RIMS2: variants seen among roughly 807,000 people sequenced by gnomAD.
RIMS2 encodes regulating synaptic membrane exocytosis 2.
A neutral mutation model predicts 174.4 loss-of-function variants in RIMS2; 59 were observed. The observed-to-expected ratio is 0.34, with a 90% CI of 0.27 to 0.42. The LOEUF (loss-of-function observed/expected upper bound fraction) is 0.42. Ranked by LOEUF, RIMS2 falls within the 10% of genes least tolerant of loss-of-function variation. The pLI is 1.00. For synonymous variants in RIMS2, 606 were observed against 572.5 expected (o/e 1.06, Z -0.84); for missense variants, 1,620 against 1,666.3 (o/e 0.97, Z 0.48).
intron 19 of RIMS2, among the ~76,000 whole-genome samples, chr8:104,144,078 G>C (rs993137605): frequency 6.6e-6 from 1 of 151,840 alleles, no homozygotes; most frequent in Non-Finnish European, 1.5e-5. Flanking sequence ...TGTATTTGGG[G>C]AATACTTGTG....
At chr8:103,728,966 A>ATTTGG (rs1365963387) in intron 2 of RIMS2, among the ~76,000 whole-genome samples, 1 of 151,736 alleles carries the variant, frequency 6.6e-6, no homozygotes, top group Non-Finnish European at 1.5e-5. Flanking sequence ...GTATTGTTGA[A>ATTTGG]TTTGGTTTGC....
chr8:103,767,789 G>T (rs865795697), intron 3 of RIMS2, among the ~76,000 whole-genome samples: 2 of 152,170 alleles, frequency 1.3e-5, no homozygotes, highest in Non-Finnish European at 2.9e-5. Flanking sequence ...GTAGTAAAAG[G>T]GAACAGTACA....
intron 19 of RIMS2, 91 bp from the exon 26 acceptor site, chr8:104,244,825 C>A: frequency 2.0e-6 from 2 of 996,936 alleles, no homozygotes; most frequent in Non-Finnish European, 3.0e-6. Flanking sequence ...TTACACAGTT[C>A]TTTGCATCTG....
exon 24 of RIMS2, chr8:104,251,794 A>T (rs201106079): frequency 3.1e-6 from 5 of 1,609,360 alleles, no homozygotes; most frequent in East Asian, 2.2e-5. Flanking sequence ...GGAAAGTTCA[A>T]CTGGACCTTC....
In RIMS2 at chr8:103,801,780, TC is replaced by T. The variant is rs797007727; in HGVS notation, c.698+35245del. Among the ~76,000 whole-genome samples the T allele has an allele frequency of 8.5e-5, 13 of 152,356 alleles. No homozygotes were observed. In the South Asian group the frequency reaches 2.5e-3, roughly 29 times the overall value. ...AAGTCTAGTGAAGCCGTTATCCATT[TC>T]CTGTAGGGCATGACTTCACTAGATT... On this transcript the variant is annotated intron_variant, in intron 3 of 23. Transcript: ENST00000504942.
At chr8:103,786,506 T>G (rs1322395481) in intron 3 of RIMS2, among the ~76,000 whole-genome samples, 2 of 152,212 alleles carry the variant, frequency 1.3e-5, no homozygotes, top group Non-Finnish European at 2.9e-5. Flanking sequence ...ACATCTTTAT[T>G]TCTGCCTTCA....
intron 1 of RIMS2, among the ~76,000 whole-genome samples, chr8:103,649,273 C>G (rs931241956): frequency 6.6e-6 from 1 of 152,144 alleles, no homozygotes; most frequent in Non-Finnish European, 1.5e-5. Flanking sequence ...GGCCCCTAAT[C>G]TCTTCTGGCT....
At chr8:104,151,421 T>G (rs1006150370) in intron 19 of RIMS2, among the ~76,000 whole-genome samples, 1 of 152,202 alleles carries the variant, frequency 6.6e-6, no homozygotes, top group East Asian at 1.9e-4. Flanking sequence ...ATACAAAAGT[T>G]AGCCCCTCAT....
intron 1 of RIMS2, among the ~76,000 whole-genome samples, chr8:103,646,234 T>C (rs2096329307): frequency 6.6e-6 from 1 of 152,120 alleles, no homozygotes; most frequent in African/African-American, 2.4e-5. Context: ...ACAGGGGATA[T>C]GATGGCTTAA....
chr8:103,895,945 T>A (rs1224397912), intron 4 of RIMS2, among the ~76,000 whole-genome samples: 1 of 151,552 alleles, frequency 6.6e-6, no homozygotes, highest in Non-Finnish European at 1.5e-5. Context: ...CTCCACCTTA[T>A]GCCATTTAAT....
intron 2 of RIMS2, among the ~76,000 whole-genome samples, chr8:103,740,414 A>G (rs1261383107): frequency 2.6e-5 from 4 of 152,202 alleles, no homozygotes; most frequent in African/African-American, 9.6e-5. Context: ...CGCCTGGCTT[A>G]TAGGGCTTCT....
At chr8:103,524,759 A>G (rs746802403) in intron 1 of RIMS2, among the ~76,000 whole-genome samples, 3 of 152,076 alleles carry the variant, frequency 2.0e-5, no homozygotes, top group Non-Finnish European at 4.4e-5. Context: ...GCCTGCAGTC[A>G]CCCATTGCTA....
chr8:103,640,711 A>C, intron 1 of RIMS2, among the ~76,000 whole-genome samples: 1 of 152,092 alleles, frequency 6.6e-6, no homozygotes, highest in South Asian at 2.1e-4. Context: ...CTGTGAACTC[A>C]GAGCATATTT....
At chr8:104,119,626 G>A in intron 19 of RIMS2, among the ~76,000 whole-genome samples, 1 of 152,118 alleles carries the variant, frequency 6.6e-6, no homozygotes, top group East Asian at 1.9e-4. Flanking sequence ...TTTAAATTTG[G>A]TTTCTGAGTA....
chr8:103,590,916 T>C (rs567521174), intron 1 of RIMS2, among the ~76,000 whole-genome samples: 1 of 151,066 alleles, frequency 6.6e-6, no homozygotes, highest in Non-Finnish European at 1.5e-5. Context: ...GTAAGTGAAA[T>C]TGCTGGATCG....
At chr8:103,529,872 A>G (rs1218753602) in intron 1 of RIMS2, among the ~76,000 whole-genome samples, 1 of 152,134 alleles carries the variant, frequency 6.6e-6, no homozygotes, top group East Asian at 1.9e-4. Flanking sequence ...TATTGTTTTT[A>G]TCCCCAAAAT....
chr8:103,729,329 C>A (rs1020131538), intron 2 of RIMS2, among the ~76,000 whole-genome samples: 4 of 151,996 alleles, frequency 2.6e-5, no homozygotes, highest in Non-Finnish European at 5.9e-5. Flanking sequence ...ATGAATTTAT[C>A]TATTTTTTCT....
chr8:104,181,649 T>C (rs2098940429), intron 19 of RIMS2, among the ~76,000 whole-genome samples: 1 of 151,730 alleles, frequency 6.6e-6, no homozygotes, highest in Admixed American at 6.6e-5. Flanking sequence ...TTATTTTAGA[T>C]AATTTTGTAC....
At chr8:104,088,676 C>A (rs2097579477) in intron 19 of RIMS2, among the ~76,000 whole-genome samples, 1 of 152,030 alleles carries the variant, frequency 6.6e-6, no homozygotes, top group Non-Finnish European at 1.5e-5. Context: ...ATCCTGCCCC[C>A]ATCTTTTGTC....
Sources: gnomAD v4.1 joint callset for allele counts (sites outside exome capture counted in the v4.1 genomes callset) on GRCh38, gnomAD v4.1.1 for gene constraint, MANE v1.5 for transcripts, NCBI Gene and HGNC (gene_info 2026-07-23, HGNC 2026-07-21) for gene names.